The following PHACTR1 variants were observed in gnomAD, a reference collection of about 807,000 sequenced individuals.
The protein encoded by PHACTR1 is RPEL repeat containing 1.
PHACTR1 carries 16 observed loss-of-function variants against 69.2 expected under a neutral mutation model. The observed-to-expected ratio is 0.23, with a 90% CI of 0.16 to 0.35. The LOEUF (loss-of-function observed/expected upper bound fraction) is 0.35. Among genes scored for constraint, PHACTR1 ranks in the 10% least tolerant of loss-of-function variants. PHACTR1 has a pLI of 1.00. For missense variants in PHACTR1, 510 were observed against 734.7 expected (o/e 0.69, Z 3.54); for synonymous variants, 312 against 284.5 (o/e 1.10, Z -0.97).
intron 4 of PHACTR1, among the ~76,000 whole-genome samples, chr6:12,786,538 T>C (rs1288231935): frequency 6.6e-6 from 1 of 152,216 alleles, no homozygotes; most frequent in African/African-American, 2.4e-5. Context: ...TGTTAATGGT[T>C]GTGCCTATGT....
intron 4 of PHACTR1, among the ~76,000 whole-genome samples, chr6:12,802,158 A>G (rs1283315440): frequency 1.3e-5 from 2 of 150,188 alleles, no homozygotes; most frequent in Admixed American, 6.6e-5. Context: ...CAATTTTCCT[A>G]TGACTTAAAG....
rs573508381 is a variant in PHACTR1, at chr6:12,884,109, CAT to C, written c.250+134320_250+134321del. 2.7e-3 allele frequency among the ~76,000 whole-genome samples: 410 copies of C among 152,108 alleles called. 2 individuals carry two copies. Among genetic ancestry groups the C allele is most frequent in the African/African-American group, 9.5e-3 (394 of 41,410 alleles). On this transcript the variant is annotated intron_variant, in intron 4 of 14. Transcript: ENST00000332995. ...ACAAATATACACACATAACCACACA[CAT>C]GTACCCACATACACACATGCATACA...
intron 4 of PHACTR1, among the ~76,000 whole-genome samples, chr6:12,980,747 G>A (rs183913904): frequency 2.6e-5 from 4 of 152,202 alleles, no homozygotes; most frequent in Non-Finnish European, 5.9e-5. Context: ...AGACACTGGT[G>A]CAGACCAAAG....
intron 5 of PHACTR1, among the ~76,000 whole-genome samples, chr6:13,097,113 A>G (rs879803335): frequency 3.3e-5 from 5 of 152,226 alleles, no homozygotes; most frequent in Non-Finnish European, 5.9e-5. Flanking sequence ...CTCTTGTTCC[A>G]GGACAAAGTT....
intron 5 of PHACTR1, among the ~76,000 whole-genome samples, chr6:13,069,719 G>A (rs1445188396): frequency 6.6e-6 from 1 of 152,106 alleles, no homozygotes; most frequent in Admixed American, 6.6e-5. Context: ...TCGGTTGACT[G>A]CAGCAGGAGC....
At chr6:13,047,281 G>C (rs1048409121) in intron 4 of PHACTR1, among the ~76,000 whole-genome samples, 2 of 151,208 alleles carry the variant, frequency 1.3e-5, no homozygotes, top group Non-Finnish European at 2.9e-5. Flanking sequence ...AGGAGGCTGA[G>C]GCATGAGAAT....
chr6:12,985,541 A>AAAATAT (rs1179784179), intron 4 of PHACTR1, among the ~76,000 whole-genome samples: 26 of 132,764 alleles, frequency 2.0e-4, no homozygotes, highest in African/African-American at 7.2e-4. Flanking sequence ...AAAAAAAAAA[A>AAAATAT]ATATATATAT....
At chr6:12,771,869 G>A (rs557685340) in intron 4 of PHACTR1, among the ~76,000 whole-genome samples, 2 of 152,264 alleles carry the variant, frequency 1.3e-5, no homozygotes, top group Admixed American at 1.3e-4. Flanking sequence ...GGGCAAGACT[G>A]GGGGAAGGGG....
rs188909399 is a variant in PHACTR1, at chr6:12,755,840, A to G, written c.250+6050A>G. Among the ~76,000 whole-genome samples, 871 of 152,296 alleles carry G rather than the reference A, an allele frequency of 5.7e-3. 5 individuals carry two copies. The highest frequency in any genetic ancestry group is 9.2e-3 in the Non-Finnish European group (626 of 68,020). On this transcript the variant is annotated intron_variant, in intron 4 of 14. Coordinates refer to ENST00000332995, the MANE Select transcript of PHACTR1 (RefSeq NM_030948.6). Reference sequence around the variant, plus strand: ...CTATATTTCCCCTTTACCCTTTTAGATTACCAGGGAAGGTAAACATGTGGG... The same window carrying G: ...CTATATTTCCCCTTTACCCTTTTAGGTTACCAGGGAAGGTAAACATGTGGG...
chr6:12,840,491 C>T (rs1478574698), intron 4 of PHACTR1, among the ~76,000 whole-genome samples: 13 of 152,090 alleles, frequency 8.5e-5, no homozygotes, highest in Non-Finnish European at 8.8e-5. Context: ...GTCCAGGGAT[C>T]GACTTGTAGA....
chr6:12,904,234 A>G lies in PHACTR1; in HGVS notation c.251-149131A>G, dbSNP rs555339644. Among the ~76,000 whole-genome samples the G allele has an allele frequency of 1.2e-4, 18 of 152,298 alleles. No individual in the cohort carries two copies. In the South Asian group the frequency reaches 3.5e-3, roughly 30 times the overall value. ...CTTTTAGCATTTCCTTTTGTCTTTA[A>G]ACTAGTCTCTTTTATAGAAACTACT... On this transcript the variant is annotated intron_variant, in intron 4 of 14. Transcript: ENST00000332995.
At chr6:13,257,624 C>T (rs975406341) in intron 10 of PHACTR1, among the ~76,000 whole-genome samples, 9 of 152,192 alleles carry the variant, frequency 5.9e-5, no homozygotes, top group Admixed American at 2.6e-4. Context: ...ACAAATCTCA[C>T]GTTTTCCCTT....
At chr6:13,250,402 G>A (rs1774220918) in intron 10 of PHACTR1, among the ~76,000 whole-genome samples, 1 of 152,198 alleles carries the variant, frequency 6.6e-6, no homozygotes, top group African/African-American at 2.4e-5. Context: ...CGCCTGTGAA[G>A]CATCATATAG....
intron 5 of PHACTR1, among the ~76,000 whole-genome samples, chr6:13,130,967 G>T (rs1820309524): frequency 6.6e-6 from 1 of 152,090 alleles, no homozygotes; most frequent in South Asian, 2.1e-4. Context: ...CCATGATCAA[G>T]TGGGTTTCAT....
At chr6:13,170,276 T>G (rs1357450405) in intron 6 of PHACTR1, among the ~76,000 whole-genome samples, 1 of 152,218 alleles carries the variant, frequency 6.6e-6, no homozygotes, top group Non-Finnish European at 1.5e-5. Context: ...GACAAATGTT[T>G]CCATAAATTT....
chr6:13,247,419 C>T (rs1377110046), intron 10 of PHACTR1, among the ~76,000 whole-genome samples: 3 of 151,288 alleles, frequency 2.0e-5, no homozygotes, highest in South Asian at 2.1e-4. Context: ...CATCTCGGCT[C>T]ATTGCAACCT....
At chr6:13,148,523 T>C (rs1050312253) in intron 5 of PHACTR1, among the ~76,000 whole-genome samples, 1 of 152,216 alleles carries the variant, frequency 6.6e-6, no homozygotes, top group African/African-American at 2.4e-5. Context: ...CCAATCAAAA[T>C]TCATGAAGAA....
At chr6:13,049,828 C>T (rs1805647136) in intron 4 of PHACTR1, among the ~76,000 whole-genome samples, 1 of 152,136 alleles carries the variant, frequency 6.6e-6, no homozygotes, top group Admixed American at 6.5e-5. Context: ...TTAGAACTTC[C>T]TACTGTATGC....
chr6:13,250,024 A>G (rs142550179), intron 10 of PHACTR1, among the ~76,000 whole-genome samples: 1 of 152,194 alleles, frequency 6.6e-6, no homozygotes, highest in Non-Finnish European at 1.5e-5. Flanking sequence ...GTCTTTGTCA[A>G]TAAAGCTTTA....
Sources: gnomAD v4.1 joint callset for allele counts (sites outside exome capture counted in the v4.1 genomes callset) on GRCh38, gnomAD v4.1.1 for gene constraint, MANE v1.5 for transcripts, NCBI Gene and HGNC (gene_info 2026-07-23, HGNC 2026-07-21) for gene names.